Variants in ST18 observed in about 807,000 individuals in gnomAD.
ST18 encodes ST18 C2H2C-type zinc finger transcription factor.
ST18 carries 50 observed loss-of-function variants against 110.0 expected under a neutral mutation model. The ratio of observed to expected loss-of-function variants is 0.45; its 90% CI spans 0.36 to 0.58. ST18 has a LOEUF of 0.58. ST18 is among the 20% of genes least tolerant of loss of function. The pLI is 0.00. For missense variants in ST18, 1,306 were observed against 1,280.1 expected (o/e 1.02, Z -0.31); for synonymous variants, 461 against 452.4 (o/e 1.02, Z -0.24).
chr8:52,144,669 A>G lies in ST18; in HGVS notation c.2053-1624T>C, dbSNP rs564775633. Among the ~76,000 whole-genome samples, 3 of 152,224 alleles carry G rather than the reference A, an allele frequency of 2.0e-5. No individual in the cohort carries two copies. The East Asian group carries it at 5.8e-4, about 29-fold the overall frequency. On this transcript the variant is annotated intron_variant, in intron 16 of 25. Coordinates refer to ENST00000689386, the MANE Select transcript of ST18 (RefSeq NM_001352837.2). Reference sequence around the variant, plus strand: ...GGTATTAAGTGTTTCATTTTGTTTTACTGGTAAATGTTTGAAAACAGAAGC... The same window carrying G: ...GGTATTAAGTGTTTCATTTTGTTTTGCTGGTAAATGTTTGAAAACAGAAGC...
In ST18 at chr8:52,375,464, A is replaced by G. The variant is rs551958312; in HGVS notation, c.-465+33864T>C. 2.4e-4 allele frequency among the ~76,000 whole-genome samples: 13 copies of G among 54,686 alleles called. No homozygotes were observed. In the Admixed American group the frequency reaches 4.0e-3, roughly 17 times the overall value. The allele number at this position is 54,686 out of a possible 152,430, so 35.9% of individuals were successfully genotyped here. On this transcript the variant is annotated intron_variant, in intron 2 of 25. Transcript: ENST00000689386. ...CCAAGAAGCAGCATCTGACCCAGCT[A>G]TTACTCTTTTCCTCCTAACTCTCTC...
intron 2 of ST18, among the ~76,000 whole-genome samples, chr8:52,382,556 C>A (rs571597662): frequency 1.3e-5 from 2 of 152,210 alleles, no homozygotes; most frequent in African/African-American, 4.8e-5. Context: ...TATAGCAGAA[C>A]AGTTTGTTTG....
At chr8:52,253,210 T>C (rs1300729442) in intron 2 of ST18, among the ~76,000 whole-genome samples, 1 of 152,064 alleles carries the variant, frequency 6.6e-6, no homozygotes, top group Non-Finnish European at 1.5e-5. Context: ...AACACTCCAG[T>C]TATTTCCACA....
chr8:52,305,471 G>A (rs1242778464), intron 2 of ST18, among the ~76,000 whole-genome samples: 1 of 152,208 alleles, frequency 6.6e-6, no homozygotes, highest in Non-Finnish European at 1.5e-5. Flanking sequence ...AGCTCTCAAA[G>A]TTGTAGCTCC....
Position 52,124,861 on chromosome 8 carries a change from A to AGT in ST18, c.2755+1190_2755+1191insAC, listed in dbSNP as rs1554577711. ...AAGGCCTTGGAAGGAAACAGTAGGA[A>AGT]GCTTTCCCTCCCTTGGATACTGCAT... On this transcript the variant is annotated intron_variant, in intron 23 of 25. Coordinates refer to ENST00000689386, the MANE Select transcript of ST18 (RefSeq NM_001352837.2). Among the ~76,000 whole-genome samples the AGT allele has an allele frequency of 7.4e-3, 1,119 of 151,406 alleles. 23 individuals are homozygous for AGT. Among genetic ancestry groups the AGT allele is most frequent in the African/African-American group, 0.026 (1,055 of 41,288 alleles).
intron 2 of ST18, among the ~76,000 whole-genome samples, chr8:52,346,371 C>G (rs1174152941): frequency 6.6e-6 from 1 of 151,618 alleles, no homozygotes; most frequent in East Asian, 1.9e-4. Context: ...AAGATGAGAC[C>G]AGTCCAAAAG....
chr8:52,309,982 G>A (rs1194037561), intron 2 of ST18, among the ~76,000 whole-genome samples: 1 of 152,154 alleles, frequency 6.6e-6, no homozygotes, highest in Non-Finnish European at 1.5e-5. Context: ...CATGGGGAGA[G>A]GGAAAGACAG....
At chr8:52,289,962 A>G (rs2095529763) in intron 2 of ST18, among the ~76,000 whole-genome samples, 1 of 151,932 alleles carries the variant, frequency 6.6e-6, no homozygotes, top group Non-Finnish European at 1.5e-5. Context: ...GGTTCAGAGA[A>G]GTAAAGTGAC....
At chr8:52,185,012 A>G (rs2071454807) in intron 8 of ST18, among the ~76,000 whole-genome samples, 1 of 152,190 alleles carries the variant, frequency 6.6e-6, no homozygotes, top group Non-Finnish European at 1.5e-5. Context: ...TGAAAAAGAA[A>G]AAATTAAACT....
intron 9 of ST18, among the ~76,000 whole-genome samples, chr8:52,174,680 T>A (rs762711790): frequency 4.6e-5 from 7 of 152,224 alleles, no homozygotes; most frequent in Non-Finnish European, 7.3e-5. Context: ...CCAGTTTACA[T>A]AATTGTTTGG....
At chr8:52,240,580 A>G (rs1162849588) in intron 2 of ST18, among the ~76,000 whole-genome samples, 1 of 151,984 alleles carries the variant, frequency 6.6e-6, no homozygotes, top group Non-Finnish European at 1.5e-5. Flanking sequence ...TTTCTTCCAT[A>G]TCTTAAAACT....
intron 8 of ST18, among the ~76,000 whole-genome samples, chr8:52,185,147 C>T (rs2071514223): frequency 6.6e-6 from 1 of 151,976 alleles, no homozygotes; most frequent in Admixed American, 6.6e-5. Flanking sequence ...TATAAACCAG[C>T]CACAAACAAT....
intron 4 of ST18, among the ~76,000 whole-genome samples, 182 bp downstream of exon 4, chr8:52,221,458 C>T (rs905165185): frequency 1.3e-5 from 2 of 152,104 alleles, no homozygotes; most frequent in Non-Finnish European, 1.5e-5. Context: ...TATGTGGTCC[C>T]AGGGATGAGC....
At chr8:52,371,541 G>C (rs1253316797) in intron 2 of ST18, among the ~76,000 whole-genome samples, 1 of 152,168 alleles carries the variant, frequency 6.6e-6, no homozygotes, top group Non-Finnish European at 1.5e-5. Flanking sequence ...GTTAATTTTA[G>C]TTGTGGCAAT....
chr8:52,202,599 A>T (rs530739532), intron 8 of ST18, among the ~76,000 whole-genome samples: 1 of 152,184 alleles, frequency 6.6e-6, no homozygotes, highest in East Asian at 1.9e-4. Context: ...TGCTTGGGGA[A>T]CACAATGGGA....
intron 2 of ST18, among the ~76,000 whole-genome samples, chr8:52,250,445 CA>C (rs1159770176): frequency 0.015 from 64 of 4,276 alleles, no homozygotes; most frequent in African/African-American, 0.043. Context: ...GCCTCAAAGG[CA>C]AAAAAAAAAA....
chr8:52,335,914 T>C (rs1370783398), intron 2 of ST18, among the ~76,000 whole-genome samples: 1 of 152,096 alleles, frequency 6.6e-6, no homozygotes, highest in Non-Finnish European at 1.5e-5. Flanking sequence ...GCTGTTAGAA[T>C]AGAAGCAATA....
At chr8:52,169,028 C>T (rs568527377) in intron 10 of ST18, among the ~76,000 whole-genome samples, 2 of 152,236 alleles carry the variant, frequency 1.3e-5, no homozygotes, top group South Asian at 2.1e-4. Flanking sequence ...TTCCCCTCCT[C>T]GCCACACTGT....
At chr8:52,114,334 T>C (rs1183215318) in intron 25 of ST18, among the ~76,000 whole-genome samples, 1 of 152,112 alleles carries the variant, frequency 6.6e-6, no homozygotes, top group African/African-American at 2.4e-5. Context: ...GGAGAGCACA[T>C]GCTGGATACA....
Sources: allele counts gnomAD v4.1 joint callset (sites outside exome capture counted in the v4.1 genomes callset), GRCh38; gene constraint gnomAD v4.1.1; transcripts MANE v1.5; gene names NCBI Gene and HGNC (gene_info 2026-07-23, HGNC 2026-07-21).